PDE4D: variants seen among roughly 807,000 people sequenced by gnomAD.
PDE4D encodes phosphodiesterase 4D.
A neutral mutation model predicts 87.4 loss-of-function variants in PDE4D; 24 were observed. The observed-to-expected ratio is 0.27, with a 90% confidence interval of 0.20 to 0.39. The LOEUF (loss-of-function observed/expected upper bound fraction) is 0.39. PDE4D is among the 10% of genes least tolerant of loss of function. The pLI is 1.00. For missense variants in PDE4D, 714 were observed against 1,041.0 expected, an observed-to-expected ratio of 0.69 and a Z score of 4.32; for synonymous variants, 384 against 383.2, an observed-to-expected ratio of 1.00 and a Z score of -0.02.
chr5:59,889,917 A>C (rs1014984374), intron 1 of PDE4D, among the ~76,000 whole-genome samples: 5 of 152,186 alleles, frequency 3.3e-5, no homozygotes, highest in Non-Finnish European at 7.3e-5. Flanking sequence ...TTATATAAAA[A>C]ATTTATTTAA....
In PDE4D at chr5:59,249,328, AC is replaced by A. The variant is rs1262202269; in HGVS notation, c.456-33361del. On this transcript the variant is annotated intron_variant, in intron 1 of 14. Transcript: ENST00000340635. ...AATGAAAAACATTTCCTGCAGCAGC[AC>A]AGTAAGATGAGAACTCTCAAGCAGT... 3.3e-5 allele frequency among the ~76,000 whole-genome samples: 5 copies of A among 152,328 alleles called. No homozygotes were observed. In the East Asian group the frequency reaches 9.6e-4, roughly 29 times the overall value.
intron 2 of PDE4D, among the ~76,000 whole-genome samples, chr5:59,990,304 A>C (rs1762877457): frequency 6.6e-6 from 1 of 152,212 alleles, no homozygotes; most frequent in Non-Finnish European, 1.5e-5. Flanking sequence ...TTTGCACTCA[A>C]CAAAATGGCA....
At chr5:59,899,927 G>T (rs1174226267) in intron 3 of PDE4D, among the ~76,000 whole-genome samples, 1 of 152,106 alleles carries the variant, frequency 6.6e-6, no homozygotes, top group Admixed American at 6.5e-5. Context: ...ACAGATTGAT[G>T]AACTTTGCAC....
chr5:60,040,818 G>A (rs146525718), intron 2 of PDE4D, among the ~76,000 whole-genome samples: 3 of 152,112 alleles, frequency 2.0e-5, no homozygotes, highest in East Asian at 3.9e-4. Context: ...GTTAATTCTT[G>A]TTCCATTTAC....
At chr5:60,501,746 G>A (rs1039417983) in intron 1 of PDE4D, among the ~76,000 whole-genome samples, 24 of 152,056 alleles carry the variant, frequency 1.6e-4, no homozygotes, top group Non-Finnish European at 2.5e-4. Context: ...TTTCTCTGAT[G>A]GCCAGTGATG....
intron 3 of PDE4D, among the ~76,000 whole-genome samples, chr5:59,924,491 A>T (rs1167668128): frequency 6.6e-6 from 1 of 152,144 alleles, no homozygotes; most frequent in Admixed American, 6.5e-5. Flanking sequence ...AACAGGAGAA[A>T]ATAAACAAAT....
At chr5:59,940,050 G>C (rs1171709723) in intron 3 of PDE4D, among the ~76,000 whole-genome samples, 1 of 152,186 alleles carries the variant, frequency 6.6e-6, no homozygotes, top group Non-Finnish European at 1.5e-5. Flanking sequence ...GAGAGAGAAA[G>C]AGCATAGGGT....
At chr5:60,431,592 G>A (rs1374609394) in intron 1 of PDE4D, among the ~76,000 whole-genome samples, 28 of 151,722 alleles carry the variant, frequency 1.8e-4, no homozygotes, top group African/African-American at 6.8e-4. Flanking sequence ...TTCCAGAGTG[G>A]GCAGCCAGGC....
intron 1 of PDE4D, among the ~76,000 whole-genome samples, chr5:59,863,337 T>A (rs996903686): frequency 1.3e-5 from 2 of 152,200 alleles, no homozygotes; most frequent in African/African-American, 4.8e-5. Flanking sequence ...TATTTATATA[T>A]GTGAATAATA....
intron 2 of PDE4D, among the ~76,000 whole-genome samples, chr5:59,208,070 G>A (rs1749220372): frequency 6.6e-6 from 1 of 151,982 alleles, no homozygotes; most frequent in South Asian, 2.1e-4. Context: ...AGGAGGCTGA[G>A]GCAGGAGAAT....
chr5:59,616,023 G>A (rs1829620073), intron 1 of PDE4D, among the ~76,000 whole-genome samples: 1 of 151,660 alleles, frequency 6.6e-6, no homozygotes, highest in South Asian at 2.1e-4. Flanking sequence ...CAATGTGCAG[G>A]TTAGTTACAT....
intron 1 of PDE4D, among the ~76,000 whole-genome samples, chr5:59,400,990 G>T (rs1424740687): frequency 6.6e-6 from 1 of 152,144 alleles, no homozygotes; most frequent in African/African-American, 2.4e-5. Flanking sequence ...AATCCAAAAT[G>T]CTCCAAAGTC....
chr5:60,451,876 AG>A (rs750283963), intron 1 of PDE4D, among the ~76,000 whole-genome samples: 21 of 152,214 alleles, frequency 1.4e-4, no homozygotes, highest in Non-Finnish European at 2.4e-4. Flanking sequence ...ATGTTTTGCC[AG>A]GTTTGTTGAA....
chr5:59,163,335 G>C (rs1581140771), intron 5 of PDE4D, among the ~76,000 whole-genome samples: 2 of 145,930 alleles, frequency 1.4e-5, no homozygotes, highest in South Asian at 2.2e-4. Context: ...GCAATGGCGC[G>C]ATCTCAGCTC....
chr5:59,721,616 C>G (rs17742544), intron 1 of PDE4D, among the ~76,000 whole-genome samples: 29,023 of 151,980 alleles, frequency 0.19, 3,351 homozygotes, highest in South Asian at 0.27. Flanking sequence ...CCCTTTATTA[C>G]CAAGCTACAC....
intron 5 of PDE4D, among the ~76,000 whole-genome samples, chr5:59,047,642 G>A (rs1352353142): frequency 6.6e-6 from 1 of 152,198 alleles, no homozygotes; most frequent in Non-Finnish European, 1.5e-5. Context: ...AGAAAGTTAG[G>A]AGGAAAAACT....
chr5:59,355,905 A>G (rs1781304573), intron 1 of PDE4D, among the ~76,000 whole-genome samples: 1 of 152,192 alleles, frequency 6.6e-6, no homozygotes, highest in South Asian at 2.1e-4. Flanking sequence ...ATTTCTACAT[A>G]GGCTTGGCAG....
chr5:59,362,631 G>A (rs1229881587), intron 1 of PDE4D, among the ~76,000 whole-genome samples: 1 of 152,098 alleles, frequency 6.6e-6, no homozygotes, highest in Non-Finnish European at 1.5e-5. Flanking sequence ...AAACTTATGG[G>A]ATCCTAGAGA....
chr5:59,828,571 T>C (rs1770601860), intron 1 of PDE4D, among the ~76,000 whole-genome samples: 1 of 152,078 alleles, frequency 6.6e-6, no homozygotes, highest in African/African-American at 2.4e-5. Flanking sequence ...CATTGTTCTA[T>C]GCATGGTTCT....
Sources: allele counts gnomAD v4.1 joint callset (sites outside exome capture counted in the v4.1 genomes callset), GRCh38; gene constraint gnomAD v4.1.1; transcripts MANE v1.5; gene names NCBI Gene and HGNC (gene_info 2026-07-23, HGNC 2026-07-21).